ECHDC3: variants seen among roughly 807,000 people sequenced by gnomAD.
ECHDC3 encodes the protein enoyl-CoA hydratase domain containing 3, also known as enoyl-CoA hydratase domain-containing protein 3, mitochondrial.
A neutral mutation model predicts 17.9 loss-of-function variants in ECHDC3; 20 were observed. That is an observed-to-expected ratio of 1.12 (90% CI 0.79 to 1.63). The LOEUF is 1.63. ECHDC3 is among the 40% of genes most tolerant of loss of function. ECHDC3 has a pLI of 0.00. For synonymous variants in ECHDC3, 177 were observed against 149.7 expected, an observed-to-expected ratio of 1.18 and a Z score of -1.33; for missense variants, 407 against 357.7, an observed-to-expected ratio of 1.14 and a Z score of -1.11.
chr10:11,756,750 ATTTT>A (rs58664530), intron 4 of ECHDC3, among the ~76,000 whole-genome samples: 2 of 144,662 alleles, frequency 1.4e-5, no homozygotes, highest in South Asian at 4.4e-4. Flanking sequence ...TCATTCAGTA[ATTTT>A]TTTTTTTTTT....
At chr10:11,745,135 G>C (rs1832745818) in intron 1 of ECHDC3, among the ~76,000 whole-genome samples, 1 of 152,178 alleles carries the variant, frequency 6.6e-6, no homozygotes, top group Non-Finnish European at 1.5e-5. Flanking sequence ...GGAGATGGTT[G>C]GTGAGAAGAG....
chr10:11,746,289 A>G (rs4596979), intron 1 of ECHDC3, among the ~76,000 whole-genome samples: 138,535 of 148,002 alleles, frequency 0.94, 65,613 homozygotes, highest in East Asian at 1. Flanking sequence ...GATCATGCCA[A>G]TGCACTCCAG....
intron 2 of ECHDC3, among the ~76,000 whole-genome samples, chr10:11,747,685 A>G (rs754818604): frequency 2.0e-5 from 3 of 152,206 alleles, no homozygotes; most frequent in African/African-American, 7.2e-5. Flanking sequence ...CAGTGAAACT[A>G]TGTCTTTTCC....
intron 1 of ECHDC3, among the ~76,000 whole-genome samples, chr10:11,744,843 C>A (rs1301171400): frequency 6.6e-6 from 1 of 152,110 alleles, no homozygotes; most frequent in East Asian, 1.9e-4. Flanking sequence ...CCCAAAGACA[C>A]CTAGATGGAG....
intron 1 of ECHDC3, 170 bp downstream of exon 1, chr10:11,742,916 AGGGCCGTCGGTGGGACTGCCCG>A (rs1832712778): frequency 1.3e-6 from 1 of 767,958 alleles, no homozygotes. Flanking sequence ...GTGGGATTGT[AGGGCCGTCGGTGGGACTGCCCG>A]GGGCTCCAAA....
chr10:11,760,102 A>T (rs1172303218), intron 4 of ECHDC3, among the ~76,000 whole-genome samples: 4 of 152,186 alleles, frequency 2.6e-5, no homozygotes, highest in African/African-American at 9.7e-5. Context: ...TCTGGCTCAG[A>T]TGGACAATTT....
In ECHDC3 at chr10:11,746,996, G is replaced by A. The variant is rs116777233; in HGVS notation, c.171-353G>A. Among the ~76,000 whole-genome samples, 964 of 152,286 alleles carry A rather than the reference G, an allele frequency of 6.3e-3. 7 individuals are homozygous for A. Among genetic ancestry groups the A allele is most frequent in the African/African-American group, 0.021 (892 of 41,550 alleles). Reference sequence around the variant, plus strand: ...CCACTGTTTGTCAGATTTCTCCAGCGCCTGCTATCATGCTAAGCTTGCAGC... The same window carrying A: ...CCACTGTTTGTCAGATTTCTCCAGCACCTGCTATCATGCTAAGCTTGCAGC... On this transcript the variant is annotated intron_variant, in intron 1 of 4. Transcript: ENST00000379215.
Position 11,742,413 on chromosome 10 carries a change from C to A in ECHDC3, c.-164C>A. 1 of 551,692 alleles carries A rather than the reference C, an allele frequency of 1.8e-6. No homozygotes were observed. The highest frequency in any genetic ancestry group is 2.5e-6 in the Non-Finnish European group (1 of 394,130). The allele number at this position is 551,692 out of a possible 1,614,324, so 34.2% of individuals were successfully genotyped here. Reference sequence around the variant, plus strand: ...CGGACTGGGCCTGGCCTGGGGCGTCCCCGCGAAGCCTGGGCCTGTCAGGCG... The same window carrying A: ...CGGACTGGGCCTGGCCTGGGGCGTCACCGCGAAGCCTGGGCCTGTCAGGCG... On this transcript the variant is annotated 5_prime_UTR_variant, in exon 1 of 5. Transcript: ENST00000379215.
At chr10:11,745,725 G>A (rs996411716) in intron 1 of ECHDC3, among the ~76,000 whole-genome samples, 13 of 152,246 alleles carry the variant, frequency 8.5e-5, no homozygotes, top group African/African-American at 3.1e-4. Flanking sequence ...TAGGAAACCT[G>A]TAGGTGAAAA....
intron 4 of ECHDC3, among the ~76,000 whole-genome samples, chr10:11,759,091 T>G (rs1166511915): frequency 2.0e-5 from 3 of 152,198 alleles, no homozygotes; most frequent in African/African-American, 7.2e-5. Flanking sequence ...GGTTGTCTCA[T>G]GCCTGTAATC....
chr10:11,760,037 T>A (rs1832930180), intron 4 of ECHDC3, among the ~76,000 whole-genome samples: 1 of 152,192 alleles, frequency 6.6e-6, no homozygotes, highest in Non-Finnish European at 1.5e-5. Context: ...TCAAACCAGG[T>A]CCCTGAGCTT....
chr10:11,757,732 C>G (rs941190487), intron 4 of ECHDC3, among the ~76,000 whole-genome samples: 3 of 152,156 alleles, frequency 2.0e-5, no homozygotes, highest in Non-Finnish European at 4.4e-5. Flanking sequence ...GGGGTCAACA[C>G]TGAAAAGCAG....
intron 1 of ECHDC3, among the ~76,000 whole-genome samples, chr10:11,744,511 G>A (rs1032862922): frequency 6.6e-6 from 1 of 152,142 alleles, no homozygotes. Context: ...GACAGCTCAT[G>A]GGGGCATTTA....
At chr10:11,760,303 C>T in intron 4 of ECHDC3, among the ~76,000 whole-genome samples, 1 of 152,322 alleles carries the variant, frequency 6.6e-6, no homozygotes, top group African/African-American at 2.4e-5. Flanking sequence ...GACCAGGCCC[C>T]GCCTGTGAAG....
Position 11,749,528 on chromosome 10 carries a change from T to TA in ECHDC3, c.329dup (p.Glu111GlyfsTer9), listed in dbSNP as rs761617189. The stretch of plus-strand genomic sequence containing the variant: ...CCTGTGTTTTCTTCTGGGCATGACT[T>TA]AAAGGAGCTGACAGAGGAGCAAGGC... On this transcript the variant is annotated frameshift_variant, in exon 3 of 5. Transcript: ENST00000379215. LOFTEE classifies it high-confidence loss of function. The TA allele has an allele frequency of 5.6e-6, 9 of 1,614,110 alleles. No individual in the cohort carries two copies. In the Admixed American group the frequency reaches 1.5e-4, roughly 27 times the overall value.
At position 11,742,599 on chromosome 10, in the gene ECHDC3, G is replaced by T. The variant is rs756911422; in HGVS notation, c.23G>T (p.Arg8Leu). The change falls in exon 1 of 5, where the codon CGG becomes CTG. Residue 8 changes from arginine (R) to leucine (L), a missense_variant. Arg to Leu is a moderately radical substitution (Grantham distance 102, BLOSUM62 -2). Transcript: ENST00000379215. MAAVAVLRAFGASGPMCL... is the reference protein window; with the variant it reads MAAVAVLLAFGASGPMCL... ...GCTATGGCCGCCGTCGCCGTCTTGC[G>T]GGCCTTCGGGGCAAGTGGGCCCATG... The T allele has an allele frequency of 8.5e-6, 11 of 1,293,358 alleles. No individual in the cohort carries two copies. The highest frequency in any genetic ancestry group is 1.1e-5 in the Non-Finnish European group (11 of 1,021,400). The allele number at this position is 1,293,358 out of a possible 1,614,324, so 80.1% of individuals were successfully genotyped here.
chr10:11,753,695 G>A (rs966674313), intron 3 of ECHDC3, among the ~76,000 whole-genome samples: 7 of 152,184 alleles, frequency 4.6e-5, no homozygotes, highest in East Asian at 3.9e-4. Context: ...CCCCAGTCTC[G>A]CCTTACAGTG....
Position 11,749,487 on chromosome 10 carries a change from A to G in ECHDC3, c.293-8A>G. 6.2e-7 allele frequency: 1 copy of G among 1,613,954 alleles called. No individual in the cohort carries two copies. Among genetic ancestry groups the G allele is most frequent in the Non-Finnish European group, 8.5e-7 (1 of 1,179,986 alleles). Reference sequence around the variant, plus strand: ...TTGTTTTCTTTTCTCAATTGGAAACATTTGCAGCTGAGGGGCCTGTGTTTT... The same window carrying G: ...TTGTTTTCTTTTCTCAATTGGAAACGTTTGCAGCTGAGGGGCCTGTGTTTT... On this transcript the variant is annotated splice_region_variant and splice_polypyrimidine_tract_variant and intron_variant, in intron 2 of 4. Transcript: ENST00000379215.
chr10:11,753,649 C>G (rs1010931964), intron 3 of ECHDC3, among the ~76,000 whole-genome samples: 1 of 152,210 alleles, frequency 6.6e-6, no homozygotes, highest in African/African-American at 2.4e-5. Context: ...GTTATTCATT[C>G]CAGTTCACTG....
Sources: gnomAD v4.1 joint callset for allele counts (sites outside exome capture counted in the v4.1 genomes callset) on GRCh38, gnomAD v4.1.1 for gene constraint, MANE v1.5 for transcripts, NCBI Gene and HGNC (gene_info 2026-07-23, HGNC 2026-07-21) for gene names.